The following FAM83H variants were observed in gnomAD, a reference collection of about 807,000 sequenced individuals.
FAM83H encodes scaffolding CK1 anchoring protein H, also known as protein FAM83H.
In FAM83H, 24 loss-of-function variants were observed where a neutral mutation model predicts 30.2. The ratio of observed to expected loss-of-function variants is 0.79; its 90% confidence interval spans 0.57 to 1.12. The LOEUF (loss-of-function observed/expected upper bound fraction) is 1.12, where lower values mean the gene tolerates loss of function less well. Among genes scored for constraint, FAM83H ranks in the 50% most tolerant of loss-of-function variants. FAM83H has a pLI of 0.00. For synonymous variants in FAM83H, 1,013 were observed against 821.7 expected (o/e 1.23, Z -3.98); for missense variants, 2,038 against 1,773.9 (o/e 1.15, Z -2.67).
Position 143,727,614 on chromosome 8 carries a change from G to A in FAM83H, c.1847C>T (p.Pro616Leu), listed in dbSNP as rs940775035. 3.2e-6 allele frequency: 5 copies of A among 1,580,388 alleles called. No individual in the cohort carries two copies. The highest frequency in any genetic ancestry group is 4.3e-6 in the Non-Finnish European group (5 of 1,170,218). ...GTCGCCGGCAGGTGCCCGGCCCCCG[G>A]GAGCCAGCACGTCGTCTTCGTAAGC... is the stretch of plus-strand genomic sequence containing the variant. ...AEAYEDDVLA[P>L]GGRAPAGDLL... Residue 616 changes from proline (P) to leucine (L), a missense_variant, in exon 5 of 5, where the codon CCC becomes CTC. Pro to Leu is a moderately conservative substitution (Grantham distance 98, BLOSUM62 -3). Coordinates refer to ENST00000388913, the MANE Select transcript of FAM83H (RefSeq NM_198488.5).
Position 143,728,460 on chromosome 8 carries a change from C to T in FAM83H, c.1001G>A (p.Arg334Gln), listed in dbSNP as rs782060691. ...GGAGGGGAAGCCCAGGCCCTCTTCC[C>T]GGGGTGGCGGGAACAGGAGGTGCGC... The part of the protein sequence containing the change: ...KRAHLLFPPP[R>Q]EEGLGFPSFL... The change falls in exon 5 of 5, where the codon CGG becomes CAG. Residue 334 changes from arginine to glutamine, a missense_variant. Transcript: ENST00000388913. 8.4e-6 allele frequency: 13 copies of T among 1,551,748 alleles called. No individual in the cohort carries two copies. The highest frequency in any genetic ancestry group is 1.4e-5 in the African/African-American group (1 of 73,236).
chr8:143,725,841 G>C lies in FAM83H; in HGVS notation c.*80C>G. The C allele has an allele frequency of 1.3e-6, 2 of 1,571,628 alleles. No homozygotes were observed. Among genetic ancestry groups the C allele is most frequent in the South Asian group, 1.1e-5 (1 of 87,028 alleles). ...CAGCCGCTGCTCAAGCAGATGAGCA[G>C]GGCTCTCTGTTCCGCGGGGCTTCTG... On this transcript the variant is annotated 3_prime_UTR_variant, in exon 5 of 5. Coordinates refer to ENST00000388913, the MANE Select transcript of FAM83H (RefSeq NM_198488.5).
intron 1 of FAM83H, chr8:143,731,926 T>G: frequency 1.0e-6 from 1 of 985,412 alleles, no homozygotes; most frequent in Non-Finnish European, 1.2e-6. Flanking sequence ...TACCTCTCCC[T>G]GGAAGGAGAG....
intron 2 of FAM83H, among the ~76,000 whole-genome samples, chr8:143,729,641 C>T (rs6990805): frequency 0.05 from 7,559 of 152,306 alleles, 647 homozygotes; most frequent in African/African-American, 0.17. Context: ...GAGCTGCCCC[C>T]ATTCCAGGGC....
rs182281542 is a variant in FAM83H, at chr8:143,729,082, C to G, written c.622G>C (p.Val208Leu). The G allele has an allele frequency of 3.7e-5, 59 of 1,613,646 alleles. No individual in the cohort carries two copies. Among genetic ancestry groups the G allele is most frequent in the South Asian group, 8.8e-5 (8 of 91,086 alleles). ...TAGGTGGGGCCCGCCACAGTCCGTA[C>G]GCGCAGGAACTGGGGAGGGAGGGGA... ...VNLQHVDFLR[V>L]RTVAGPTYYC... The change falls in exon 4 of 5, where the codon GTA (valine) becomes CTA (leucine). Residue 208 changes from valine (V) to leucine (L), a missense_variant. By Grantham distance (32) the Val-to-Leu change is conservative. Coordinates refer to ENST00000388913, the MANE Select transcript of FAM83H (RefSeq NM_198488.5).
Position 143,727,000 on chromosome 8 carries a change from C to G in FAM83H, c.2461G>C (p.Asp821His), listed in dbSNP as rs530393090. ...TCGGAGCCGCTCCGGCCCAGTGTGT[C>G]GAGCAGCTGCGCCGCGGTGAGCGAC... The part of the protein sequence containing the change: ...AASLTAAQLL[D>H]TLGRSGSDRL... Residue 821 changes from aspartate to histidine, a missense_variant, in exon 5 of 5, where the codon GAC becomes CAC. Asp to His is a moderately conservative substitution (Grantham distance 81). Transcript: ENST00000388913. The G allele has an allele frequency of 2.5e-6, 4 of 1,585,138 alleles. No homozygotes were observed. In the African/African-American group the frequency reaches 5.4e-5, roughly 21 times the overall value.
rs1367477388 is a variant in FAM83H, at chr8:143,733,515, AGCCCCGCCACCCCG to A, written c.-16+162_-16+175del. Among the ~76,000 whole-genome samples the A allele has an allele frequency of 1.3e-5, 2 of 151,808 alleles. No homozygotes were observed. The highest frequency in any genetic ancestry group is 1.3e-4 in the Admixed American group (2 of 15,256). On this transcript the variant is annotated intron_variant, in intron 1 of 4. Transcript: ENST00000388913. The surrounding 1 kb of genome is among the most constrained non-coding windows in gnomAD (Gnocchi z 5.6). ...GCACAGCGGCGCCCCCTGTCCGAGCAGCCCCGCCACCCCGGCCCCGCGCACGCGGCCGCGCTCCA... is the reference window on the plus strand; with the variant it reads ...GCACAGCGGCGCCCCCTGTCCGAGCAGCCCCGCGCACGCGGCCGCGCTCCA...
rs782246993 is a variant in FAM83H at position 143,729,060 on chromosome 8, G to A, written c.644C>T (p.Thr215Ile). 1.9e-6 allele frequency: 3 copies of A among 1,613,430 alleles called. No homozygotes were observed. Among genetic ancestry groups the A allele is most frequent in the South Asian group, 2.2e-5 (2 of 91,082 alleles). ...FLRVRTVAGP[T>I]YYCRTGKSFK... ...GGACTTCCCAGTGCGGCAGTAGTAG[G>A]TGGGGCCCGCCACAGTCCGTACGCG... Residue 215 changes from threonine (T) to isoleucine (I), a missense_variant, in exon 4 of 5, where the codon ACC (threonine) becomes ATC (isoleucine). Thr to Ile is a moderately conservative substitution (Grantham distance 89, BLOSUM62 -1). Transcript: ENST00000388913.
intron 2 of FAM83H, 119 bp downstream of exon 2, chr8:143,730,017 C>T (rs1818456811): frequency 4.3e-6 from 4 of 936,288 alleles, no homozygotes; most frequent in Admixed American, 3.0e-5. Context: ...GCCAGGGACC[C>T]CCACTCCAGC....
intron 1 of FAM83H, chr8:143,731,601 TTTC>T: frequency 5.1e-6 from 5 of 985,448 alleles, no homozygotes; most frequent in Non-Finnish European, 4.8e-6. Context: ...CTTTGACCTC[TTTC>T]TTGTCACTGT....
intron 3 of FAM83H, 27 bp downstream of exon 3, chr8:143,729,132 C>T: frequency 6.2e-7 from 1 of 1,613,630 alleles, no homozygotes; most frequent in Non-Finnish European, 8.5e-7. Context: ...ACGGGTCCTC[C>T]CCAATCTCCC....
chr8:143,730,364 A>G lies in FAM83H; in HGVS notation c.219T>C (p.Tyr73=), dbSNP rs1554624099. ...TGCCTTCAGGTGGCTCTCGGGTAACATACTGCGGAGGCCGAAGGTGTCGGC... is the reference window on the plus strand; with the variant it reads ...TGCCTTCAGGTGGCTCTCGGGTAACGTACTGCGGAGGCCGAAGGTGTCGGC... ...HVSRHLRPPQ[Y]VTREPPEGSL... is the part of the protein sequence containing the mutation. Residue 73 remains tyrosine (Y), a synonymous_variant, in exon 2 of 5, where the codon TAT becomes TAC. Coordinates refer to ENST00000388913, the MANE Select transcript of FAM83H (RefSeq NM_198488.5). 2 of 1,613,702 alleles carry G rather than the reference A, an allele frequency of 1.2e-6. No homozygotes were observed. The highest frequency in any genetic ancestry group is 1.7e-6 in the Non-Finnish European group (2 of 1,180,034).
In FAM83H at chr8:143,727,130, A is replaced by C. The variant is rs1344234208; in HGVS notation, c.2331T>G (p.Gly777=). The change falls in exon 5 of 5, where the codon GGT becomes GGG. Residue 777 remains glycine (G), a synonymous_variant. Transcript: ENST00000388913. ...QAWREEVAAP[G]AVGGERRSLE... is the part of the protein sequence containing the mutation. ...GGCTGCGGCGCTCGCCCCCCACGGC[A>C]CCTGGGGCCGCCACCTCTTCCCGCC... 1 of 1,534,300 alleles carries C rather than the reference A, an allele frequency of 6.5e-7. No individual in the cohort carries two copies. Among genetic ancestry groups the C allele is most frequent in the South Asian group, 1.2e-5 (1 of 84,054 alleles).
Position 143,726,634 on chromosome 8 carries a change from C to A in FAM83H, c.2827G>T (p.Gly943Trp), listed in dbSNP as rs782042007. 3.1e-6 allele frequency: 5 copies of A among 1,598,448 alleles called. No homozygotes were observed. Among genetic ancestry groups the A allele is most frequent in the Admixed American group, 1.7e-5 (1 of 59,542 alleles). Residue 943 changes from glycine (G) to tryptophan (W), a missense_variant, in exon 5 of 5, where the codon GGG becomes TGG. Physicochemically the swap from Gly to Trp is radical, Grantham distance 184. Transcript: ENST00000388913. Reference sequence around the variant, plus strand: ...GCGGGCCCGGCCTTCGGGGACTCCCCGGAGATGGTAAGGGTGAGGCTGCCC... The same window carrying A: ...GCGGGCCCGGCCTTCGGGGACTCCCAGGAGATGGTAAGGGTGAGGCTGCCC... ...RRGSLTLTIS[G>W]ESPKAGPAEE...
chr8:143,725,717 T>C lies in FAM83H; in HGVS notation c.*204A>G, dbSNP rs1385999339. 1.9e-5 allele frequency: 15 copies of C among 783,050 alleles called. No individual in the cohort carries two copies. Among genetic ancestry groups the C allele is most frequent in the Non-Finnish European group, 2.0e-5 (10 of 501,324 alleles). The allele number at this position is 783,050 out of a possible 1,614,324, so 48.5% of individuals were successfully genotyped here. Reference sequence around the variant, plus strand: ...GGTGGCGAGGGGTGCAGCCCCAGCGTTGGGGAGGCCAGGGGGCAGAGACGG... The same window carrying C: ...GGTGGCGAGGGGTGCAGCCCCAGCGCTGGGGAGGCCAGGGGGCAGAGACGG... On this transcript the variant is annotated 3_prime_UTR_variant, in exon 5 of 5. Coordinates refer to ENST00000388913, the MANE Select transcript of FAM83H (RefSeq NM_198488.5).
In FAM83H at chr8:143,729,310, A is replaced by G. The variant is rs1818427527; in HGVS notation, c.461T>C (p.Val154Ala). 6.2e-7 allele frequency: 1 copy of G among 1,613,052 alleles called. No homozygotes were observed. The highest frequency in any genetic ancestry group is 8.5e-7 in the Non-Finnish European group (1 of 1,179,970). ...GTCCACATCAGTGAACATGTCCATC[A>G]CCACGGCCACCACCTGCAGGGGCGG... ...IRSAQQVVAVVMDMFTDVDLL... is the reference protein window; with the variant it reads ...IRSAQQVVAVAMDMFTDVDLL... The change falls in exon 3 of 5, where the codon GTG becomes GCG. Residue 154 changes from valine to alanine, a missense_variant. By Grantham distance (64) the Val-to-Ala change is moderately conservative. Transcript: ENST00000388913.
At position 143,728,969 on chromosome 8, in the gene FAM83H, G is replaced by A. The variant is rs1563760740; in HGVS notation, c.735C>T (p.Tyr245=). The change falls in exon 4 of 5, where the codon TAC becomes TAT. Residue 245 remains tyrosine (Y), a splice_region_variant and synonymous_variant. Transcript: ENST00000388913. ...GTGAGGGAGCCCCGCGGGCGCACCT[G>A]TAGCTCCCACTCATCACCACGGCAC... is the stretch of plus-strand genomic sequence containing the variant. The part of the protein sequence containing the change: ...VDCAVVMSGS[Y]SFMWSFEKIH... 6.2e-7 allele frequency: 1 copy of A among 1,613,616 alleles called. No individual in the cohort carries two copies. Among genetic ancestry groups the A allele is most frequent in the Admixed American group, 1.7e-5 (1 of 60,024 alleles).
rs371078447 is a variant in FAM83H, at chr8:143,730,464, G to A, written c.119C>T (p.Ser40Leu). The change falls in exon 2 of 5, where the codon TCG (serine) becomes TTG (leucine). Residue 40 changes from serine to leucine, a missense_variant. By Grantham distance (145) the Ser-to-Leu change is moderately radical. Coordinates refer to ENST00000388913, the MANE Select transcript of FAM83H (RefSeq NM_198488.5). ...AGCGAGGAAGCGGCTGTAGGCCTCCGAGCCACCCTCGGCCAGTGCATCCAC... is the reference window on the plus strand; with the variant it reads ...AGCGAGGAAGCGGCTGTAGGCCTCCAAGCCACCCTCGGCCAGTGCATCCAC... The part of the protein sequence containing the change: ...LAVDALAEGG[S>L]EAYSRFLATE... 2.0e-5 allele frequency: 33 copies of A among 1,611,298 alleles called. No individual in the cohort carries two copies. The South Asian group carries it at 2.3e-4, about 11-fold the overall frequency.
At chr8:143,730,083 G>A (rs556124082) in intron 2 of FAM83H, 53 bp downstream of exon 2, 173 of 1,423,568 alleles carry the variant, frequency 1.2e-4, no homozygotes, top group Middle Eastern at 2.1e-4. Context: ...CTCCACCCCC[G>A]TGCCTCTAGC....
Sources: gnomAD v4.1 joint callset for allele counts (sites outside exome capture counted in the v4.1 genomes callset) on GRCh38, gnomAD v4.1.1 for gene constraint, Gnocchi (gnomAD v3.1) non-coding constraint, MANE v1.5 for transcripts, NCBI Gene and HGNC (gene_info 2026-07-23, HGNC 2026-07-21) for gene names.